AKAP9: variants seen among roughly 807,000 people sequenced by gnomAD.
AKAP9 encodes A-kinase anchor protein 9.
A neutral mutation model predicts 488.5 loss-of-function variants in AKAP9; 311 were observed. The observed-to-expected ratio is 0.64, with a 90% CI of 0.58 to 0.70. The LOEUF (loss-of-function observed/expected upper bound fraction) is 0.70. AKAP9 is among the 30% of genes least tolerant of loss of function. AKAP9 has a pLI of 0.00. For synonymous variants in AKAP9, 1,462 were observed against 1,483.5 expected (o/e 0.99, Z 0.33); for missense variants, 4,215 against 4,374.5 (o/e 0.96, Z 1.03).
chr7:92,062,955 TGTA>T (rs927790330), intron 24 of AKAP9, among the ~76,000 whole-genome samples: 5 of 152,164 alleles, frequency 3.3e-5, no homozygotes, highest in Admixed American at 3.3e-4. Flanking sequence ...TCTAGTTTAA[TGTA>T]GTAGGAATTC....
At position 92,096,724 on chromosome 7, in the gene AKAP9, G is replaced by A; in HGVS notation, c.9765G>A (p.Arg3255=). 6.2e-7 allele frequency: 1 copy of A among 1,614,118 alleles called. No homozygotes were observed. ...TTTCACTTGAGAGTCAGAAACAAAG[G>A]AATCTTCAGCTAAATCTACTTTTGG... ...LKFSLESQKQ[R]NLQLNLLLEQ... The change falls in exon 41 of 50, where the codon AGG becomes AGA. Residue 3255 remains arginine, a synonymous_variant. Transcript: ENST00000356239.
rs1189729360 is a variant in AKAP9, at chr7:92,014,383, C to T, written c.3612+55C>T. 2.3e-6 allele frequency: 3 copies of T among 1,314,432 alleles called. 1 individual carries two copies. In the East Asian group the frequency reaches 7.2e-5, roughly 31 times the overall value. 81.4% of individuals were successfully genotyped at this position (1,314,432 alleles called of 1,614,324 possible). ...AGATGTGGTGGCTGACACTTATAAT[C>T]CCAGCACTTTGGGAGGCTGAGGTGG... On this transcript the variant is annotated intron_variant, in intron 10 of 49. Transcript: ENST00000356239.
chr7:92,000,856 TA>T lies in AKAP9; in HGVS notation c.945del (p.Val316Ter). 1 of 1,393,818 alleles carries T rather than the reference TA, an allele frequency of 7.2e-7. No individual in the cohort carries two copies. The highest frequency in any genetic ancestry group is 2.6e-5 in the East Asian group (1 of 39,190). The allele number at this position is 1,393,818 out of a possible 1,614,324, so 86.3% of individuals were successfully genotyped here. On this transcript the variant is annotated frameshift_variant, in exon 8 of 50. Transcript: ENST00000356239. LOFTEE classifies it high-confidence loss of function. The stretch of plus-strand genomic sequence containing the variant: ...CATTTTTTTTCCTAAAGGAACAAGA[TA>T]AAAAAGTAGAAAACTCAAATAAAGA... ...KIKVYEMEQD[K>X]KVENSNKEEI...
chr7:92,021,404 A>T (rs114766816), intron 12 of AKAP9, among the ~76,000 whole-genome samples: 180 of 152,308 alleles, frequency 1.2e-3, no homozygotes, highest in African/African-American at 4.0e-3. Context: ...ACACACAGGT[A>T]TCTGACATAT....
chr7:91,946,103 C>T (rs6953256), intron 1 of AKAP9, among the ~76,000 whole-genome samples: 65,227 of 151,954 alleles, frequency 0.43, 15,290 homozygotes, highest in Admixed American at 0.52. Flanking sequence ...GGATGGTGCT[C>T]CATGCAAGCT....
rs1815950908 is a variant in AKAP9, at chr7:92,093,261, C to G, written c.9523C>G (p.Leu3175Val). 1 of 1,613,932 alleles carries G rather than the reference C, an allele frequency of 6.2e-7. No homozygotes were observed. The highest frequency in any genetic ancestry group is 8.5e-7 in the Non-Finnish European group (1 of 1,180,020). ...TGAGCTTGCACAAACTAAATTGGAACTAGAAACAACACTCAAGGCACAGCA... is the reference window on the plus strand; with the variant it reads ...TGAGCTTGCACAAACTAAATTGGAAGTAGAAACAACACTCAAGGCACAGCA... ...KSELAQTKLE[L>V]ETTLKAQHKH... Residue 3175 changes from leucine (L) to valine (V), a missense_variant, in exon 39 of 50, where the codon CTA becomes GTA. Coordinates refer to ENST00000356239, the MANE Select transcript of AKAP9 (RefSeq NM_005751.5).
At chr7:92,039,092 GAC>G (rs1369150986) in intron 17 of AKAP9, among the ~76,000 whole-genome samples, 2 of 152,124 alleles carry the variant, frequency 1.3e-5, no homozygotes, top group African/African-American at 4.8e-5. Context: ...TTTTAGTAGA[GAC>G]AGGATTTTAC....
intron 36 of AKAP9, 47 bp from the exon 37 acceptor site, chr7:92,086,181 A>C (rs763336927): frequency 6.8e-7 from 1 of 1,476,422 alleles, no homozygotes; most frequent in South Asian, 1.2e-5. Flanking sequence ...AATGTTTTTA[A>C]AACATGCTTA....
rs758977298 is a variant in AKAP9, at chr7:92,038,652, T to G, written c.4572T>G (p.His1524Gln). Reference protein sequence around the residue: ...FKPLSKELGEHGKEILLSNSD... With the variant: ...FKPLSKELGEQGKEILLSNSD... The stretch of plus-strand genomic sequence containing the variant: ...CACTTAGTAAAGAGTTAGGAGAACA[T>G]GGAAAGGAAATTTTATTATCAAATA... Residue 1524 changes from histidine to glutamine, a missense_variant, in exon 17 of 50, where the codon CAT (histidine) becomes CAG (glutamine). By Grantham distance (24) the His-to-Gln change is conservative. Coordinates refer to ENST00000356239, the MANE Select transcript of AKAP9 (RefSeq NM_005751.5). 2 of 1,611,208 alleles carry G rather than the reference T, an allele frequency of 1.2e-6. No individual in the cohort carries two copies. The highest frequency in any genetic ancestry group is 3.4e-5 in the Admixed American group (2 of 59,608).
chr7:92,102,482 TACTACTACC>T (rs1194342360), intron 45 of AKAP9, 103 bp from the exon 46 acceptor site: 73 of 709,734 alleles, frequency 1.0e-4, no homozygotes, highest in South Asian at 3.7e-4. Flanking sequence ...CTACTACTAC[TACTACTACC>T]ACCACCACCA....
Position 92,079,188 on chromosome 7 carries a change from T to C in AKAP9, c.7055T>C (p.Leu2352Pro). 1.2e-6 allele frequency: 2 copies of C among 1,613,978 alleles called. No individual in the cohort carries two copies. The highest frequency in any genetic ancestry group is 8.5e-7 in the Non-Finnish European group (1 of 1,179,956). Reference protein sequence around the residue: ...KRNREEEIEQLNEVIEKLQQE... With the variant: ...KRNREEEIEQPNEVIEKLQQE... ...AATAGAGAAGAAGAAATAGAGCAGC[T>C]CAATGAAGTGATTGAAAAACTTCAA... Residue 2352 changes from leucine to proline, a missense_variant, in exon 31 of 50, where the codon CTC (leucine) becomes CCC (proline). By Grantham distance (98) the Leu-to-Pro change is moderately conservative (BLOSUM62 -3). Transcript: ENST00000356239.
intron 9 of AKAP9, among the ~76,000 whole-genome samples, chr7:92,012,957 C>T (rs1172447289): frequency 7.6e-6 from 1 of 131,272 alleles, no homozygotes; most frequent in Non-Finnish European, 1.5e-5. Context: ...AGGTGGTAGA[C>T]AGTGGTGGGG....
intron 1 of AKAP9, among the ~76,000 whole-genome samples, chr7:91,965,044 A>G (rs1404610384): frequency 6.6e-6 from 1 of 152,184 alleles, no homozygotes; most frequent in East Asian, 1.9e-4. Context: ...TTTTTTAGAA[A>G]TATTCAAATT....
chr7:92,102,738 G>A lies in AKAP9; in HGVS notation c.11242G>A (p.Ala3748Thr). ...ALLARMGGQP[A>T]FTDLEVITNR... ...GCTTGCCCGGATGGGGGGGCAGCCA[G>A]CTTTCACGGATCTAGAGGTGATCAC... Residue 3748 changes from alanine (A) to threonine (T), a missense_variant, in exon 46 of 50, where the codon GCT becomes ACT. This residue lies in a region of AKAP9 where 253 missense variants were observed against 266.8 expected (regional missense o/e 0.95). Coordinates refer to ENST00000356239, the MANE Select transcript of AKAP9 (RefSeq NM_005751.5). 1 of 1,614,216 alleles carries A rather than the reference G, an allele frequency of 6.2e-7. No homozygotes were observed. The highest frequency in any genetic ancestry group is 1.6e-4 in the Middle Eastern group (1 of 6,062).
chr7:91,965,705 C>G (rs771648959), intron 1 of AKAP9, among the ~76,000 whole-genome samples: 1 of 152,146 alleles, frequency 6.6e-6, no homozygotes, highest in Non-Finnish European at 1.5e-5. Flanking sequence ...TATTCCCTGT[C>G]TTTTTGATGA....
intron 8 of AKAP9, among the ~76,000 whole-genome samples, chr7:92,006,793 A>G (rs779229823): frequency 6.6e-6 from 1 of 152,188 alleles, no homozygotes; most frequent in Non-Finnish European, 1.5e-5. Context: ...GAAGAGTGGC[A>G]GGAATTTTTT....
chr7:92,002,343 T>C lies in AKAP9; in HGVS notation c.2426T>C (p.Ile809Thr), dbSNP rs756346830. The change falls in exon 8 of 50, where the codon ATT becomes ACT. Residue 809 changes from isoleucine (I) to threonine (T), a missense_variant. This residue lies in a region of AKAP9 where 2,361 missense variants were observed against 2,430.0 expected (regional missense o/e 0.97). Transcript: ENST00000356239. ...QEERLIFLDS[I>T]KSKSKDSVWE... is the part of the protein sequence containing the mutation. Reference sequence around the variant, plus strand: ...GAAAGATTGATTTTCTTAGACTCCATTAAGTCCAAATCCAAAGACTCTGTG... The same window carrying C: ...GAAAGATTGATTTTCTTAGACTCCACTAAGTCCAAATCCAAAGACTCTGTG... The C allele has an allele frequency of 4.3e-6, 7 of 1,612,942 alleles. No individual in the cohort carries two copies. The highest frequency in any genetic ancestry group is 5.9e-6 in the Non-Finnish European group (7 of 1,179,374).
At chr7:92,105,144 A>G (rs1276929568) in intron 46 of AKAP9, among the ~76,000 whole-genome samples, 1 of 152,178 alleles carries the variant, frequency 6.6e-6, no homozygotes, top group African/African-American at 2.4e-5. Context: ...GATGGGGAAG[A>G]AGGTCGTAAC....
chr7:91,992,929 A>C lies in AKAP9; in HGVS notation c.450A>C (p.Ala150=). The C allele has an allele frequency of 6.2e-7, 1 of 1,614,094 alleles. No individual in the cohort carries two copies. Among genetic ancestry groups the C allele is most frequent in the East Asian group, 2.2e-5 (1 of 44,862 alleles). The change falls in exon 5 of 50, where the codon GCA becomes GCC. Residue 150 remains alanine, a synonymous_variant. Coordinates refer to ENST00000356239, the MANE Select transcript of AKAP9 (RefSeq NM_005751.5). ...GVDDSYSEQG[A]QDSPTHLEMM... is the part of the protein sequence containing the mutation. ...ATGATTCTTATTCTGAACAAGGAGC[A>C]CAAGACAGTCCGACTCATCTAGAGA... is the stretch of plus-strand genomic sequence containing the variant.
Sources: allele counts gnomAD v4.1 joint callset (sites outside exome capture counted in the v4.1 genomes callset), GRCh38; gene constraint gnomAD v4.1.1; regional missense constraint gnomAD v4.1.1; transcripts MANE v1.5; gene names NCBI Gene and HGNC (gene_info 2026-07-23, HGNC 2026-07-21).